REEP1: variants seen among roughly 807,000 people sequenced by gnomAD.
REEP1 encodes the protein receptor expression-enhancing protein 1.
In REEP1, 22 loss-of-function variants were observed where a neutral mutation model predicts 40.3. The observed-to-expected ratio is 0.55, with a 90% CI of 0.39 to 0.78. The LOEUF is 0.78. REEP1 is among the 30% of genes least tolerant of loss of function. REEP1 has a pLI of 0.00. For missense variants in REEP1, 280 were observed against 361.1 expected (o/e 0.78, Z 1.82); for synonymous variants, 116 against 139.2 (o/e 0.83, Z 1.17).
chr2:86,266,401 T>G (rs1439090767), intron 2 of REEP1, among the ~76,000 whole-genome samples: 1 of 138,038 alleles, frequency 7.2e-6, no homozygotes, highest in Non-Finnish European at 1.6e-5. Context: ...GGGTGGATCA[T>G]GAGGTCAGGA....
At chr2:86,292,717 G>A (rs1678787040) in intron 1 of REEP1, among the ~76,000 whole-genome samples, 1 of 152,154 alleles carries the variant, frequency 6.6e-6, no homozygotes, top group Non-Finnish European at 1.5e-5. Context: ...GCCTTCCTAT[G>A]TGCACCATGA....
intron 1 of REEP1, among the ~76,000 whole-genome samples, chr2:86,313,379 C>G (rs1249255542): frequency 6.6e-6 from 1 of 150,418 alleles, no homozygotes; most frequent in Admixed American, 6.7e-5. Context: ...TGTCTTTCTG[C>G]TAAGTTGTTG....
Position 86,264,044 on chromosome 2 carries a change from G to C in REEP1, c.106-3C>G. The C allele has an allele frequency of 6.2e-7, 1 of 1,611,196 alleles. No individual in the cohort carries two copies. The highest frequency in any genetic ancestry group is 8.5e-7 in the Non-Finnish European group (1 of 1,177,334). On this transcript the variant is annotated splice_polypyrimidine_tract_variant and splice_region_variant and intron_variant, in intron 2 of 8. Coordinates refer to ENST00000538924, the MANE Select transcript of REEP1 (RefSeq NM_001371279.1). Reference sequence around the variant, plus strand: ...ATCCAGTACATCATCCATTTGACCTGTTGAAACAGAAAGCAACACAGCTGG... The same window carrying C: ...ATCCAGTACATCATCCATTTGACCTCTTGAAACAGAAAGCAACACAGCTGG...
At chr2:86,329,950 G>A (rs1459581044) in intron 1 of REEP1, among the ~76,000 whole-genome samples, 1 of 152,190 alleles carries the variant, frequency 6.6e-6, no homozygotes, top group African/African-American at 2.4e-5. Context: ...TCTTGGTTAG[G>A]GGACCTAGGA....
At chr2:86,226,138 CCAT>C (rs61395687) in intron 7 of REEP1, among the ~76,000 whole-genome samples, 255 of 150,278 alleles carry the variant, frequency 1.7e-3, no homozygotes, top group African/African-American at 5.4e-3. Context: ...ACCACCACCA[CCAT>C]CATCATCATC....
chr2:86,289,266 T>C (rs1678570077), intron 1 of REEP1, among the ~76,000 whole-genome samples: 1 of 152,216 alleles, frequency 6.6e-6, no homozygotes, highest in Non-Finnish European at 1.5e-5. Context: ...TTCTTTTCTA[T>C]ATGGATCCCA....
intron 1 of REEP1, among the ~76,000 whole-genome samples, chr2:86,303,624 C>A (rs1432949572): frequency 1.3e-5 from 2 of 152,130 alleles, no homozygotes; most frequent in African/African-American, 4.8e-5. Context: ...CTTGGCCTCC[C>A]AAAGTGCTAG....
intron 1 of REEP1, among the ~76,000 whole-genome samples, chr2:86,312,645 G>C (rs951036322): frequency 6.6e-6 from 1 of 152,032 alleles, no homozygotes; most frequent in Non-Finnish European, 1.5e-5. Flanking sequence ...TCCAAAAAAA[G>C]AAAAAAGAGC....
At chr2:86,282,865 G>A (rs1411383966) in intron 1 of REEP1, among the ~76,000 whole-genome samples, 1 of 152,056 alleles carries the variant, frequency 6.6e-6, no homozygotes, top group Non-Finnish European at 1.5e-5. Context: ...GGCTGCGTTG[G>A]GTCACTAAAT....
intron 3 of REEP1, among the ~76,000 whole-genome samples, chr2:86,263,702 T>C (rs1403382550): frequency 6.6e-6 from 1 of 152,232 alleles, no homozygotes; most frequent in Non-Finnish European, 1.5e-5. Flanking sequence ...ACTCCATTAA[T>C]TGAGGATGTG....
chr2:86,289,750 T>C (rs57270703), intron 1 of REEP1, among the ~76,000 whole-genome samples: 54,845 of 152,024 alleles, frequency 0.36, 11,937 homozygotes, highest in East Asian at 0.58. Flanking sequence ...ATCTTGTACA[T>C]GTTTTGTCTT....
chr2:86,284,689 G>A (rs1229567800), intron 1 of REEP1, among the ~76,000 whole-genome samples: 2 of 152,196 alleles, frequency 1.3e-5, no homozygotes, highest in Non-Finnish European at 2.9e-5. Flanking sequence ...GTGAGCAGCA[G>A]AGGAGAGACA....
intron 1 of REEP1, among the ~76,000 whole-genome samples, chr2:86,319,579 C>G (rs2104510959): frequency 6.6e-6 from 1 of 152,236 alleles, no homozygotes; most frequent in South Asian, 2.1e-4. Context: ...CCTCTGGTTT[C>G]AGCTACTTGG....
chr2:86,323,986 T>C (rs1464139261), intron 1 of REEP1, among the ~76,000 whole-genome samples: 1 of 151,796 alleles, frequency 6.6e-6, no homozygotes, highest in African/African-American at 2.4e-5. Flanking sequence ...AGAAAAAAAA[T>C]TAGACTGCTG....
chr2:86,227,902 T>C (rs1674802640), intron 6 of REEP1, among the ~76,000 whole-genome samples: 1 of 152,206 alleles, frequency 6.6e-6, no homozygotes, highest in African/African-American at 2.4e-5. Flanking sequence ...ACATGCTCAC[T>C]GAGTGACTCC....
chr2:86,223,009 C>T (rs1420383906), intron 7 of REEP1, among the ~76,000 whole-genome samples: 1 of 152,200 alleles, frequency 6.6e-6, no homozygotes, highest in Admixed American at 6.5e-5. Flanking sequence ...CTAATTGGCT[C>T]CCAGAGACAA....
intron 5 of REEP1, among the ~76,000 whole-genome samples, chr2:86,245,922 G>A (rs997738535): frequency 1.3e-4 from 19 of 151,960 alleles, no homozygotes; most frequent in African/African-American, 2.9e-4. Flanking sequence ...CCGCCACCAC[G>A]CCCGGCTAAT....
At chr2:86,284,939 G>C (rs1015969676) in intron 1 of REEP1, among the ~76,000 whole-genome samples, 34 of 152,214 alleles carry the variant, frequency 2.2e-4, no homozygotes, top group African/African-American at 7.5e-4. Context: ...GTAACACTTA[G>C]CATCTCACTG....
chr2:86,291,912 A>C (rs1277984521), intron 1 of REEP1, among the ~76,000 whole-genome samples: 1 of 152,236 alleles, frequency 6.6e-6, no homozygotes, highest in Non-Finnish European at 1.5e-5. Context: ...AGCAGGAACA[A>C]ACATTCTGTA....
Sources: allele counts gnomAD v4.1 joint callset (sites outside exome capture counted in the v4.1 genomes callset), GRCh38; gene constraint gnomAD v4.1.1; transcripts MANE v1.5; gene names NCBI Gene and HGNC (gene_info 2026-07-23, HGNC 2026-07-21).